The following SPATA31H1 variants were observed in gnomAD, a reference collection of about 807,000 sequenced individuals.
SPATA31H1 encodes the protein spermatogenesis-associated protein 31H1.
chr2:27,569,653 A>C, the SPATA31H1 span: 1 of 398,842 alleles, frequency 2.5e-6, no homozygotes, highest in East Asian at 3.6e-5. Flanking sequence ...GATATGAAAC[A>C]CATGAATTTA....
chr2:27,553,441 G>A, the SPATA31H1 span, among the ~76,000 whole-genome samples: 1,393 of 152,092 alleles, frequency 9.2e-3, 30 homozygotes, highest in African/African-American at 0.027. Context: ...CCTTATCAAA[G>A]GGTCACTTGG....
At chr2:27,577,966 C>G in the SPATA31H1 span, 1 of 1,614,112 alleles carries the variant, frequency 6.2e-7, no homozygotes, top group South Asian at 1.1e-5. The surrounding 1 kb of genome is among the most constrained non-coding windows in gnomAD (Gnocchi z 4.5). Context: ...GGGACAACCC[C>G]AGGACCACTG....
the SPATA31H1 span, among the ~76,000 whole-genome samples, chr2:27,553,102 T>G: frequency 6.6e-6 from 1 of 152,024 alleles, no homozygotes; most frequent in Non-Finnish European, 1.5e-5. Context: ...TTGGCAGGAG[T>G]TGCAGCCCCA....
the SPATA31H1 span, among the ~76,000 whole-genome samples, chr2:27,552,743 G>C: frequency 6.6e-6 from 1 of 151,990 alleles, no homozygotes; most frequent in South Asian, 2.1e-4. Context: ...CATTTATTTA[G>C]GTCTTCTTTA....
At chr2:27,567,161 TG>T in the SPATA31H1 span, 1 of 670,076 alleles carries the variant, frequency 1.5e-6, no homozygotes, top group Non-Finnish European at 2.7e-6. Flanking sequence ...AAAAAAATGA[TG>T]AGAGAATGAG....
chr2:27,570,310 C>T, the SPATA31H1 span: 15 of 398,648 alleles, frequency 3.8e-5, no homozygotes, highest in Admixed American at 8.8e-5. Context: ...ATGAAATCTG[C>T]GAAATTGACC....
the SPATA31H1 span, among the ~76,000 whole-genome samples, chr2:27,550,770 A>G: frequency 6.6e-6 from 1 of 151,818 alleles, no homozygotes; most frequent in Admixed American, 6.6e-5. Context: ...AGATGGTTAT[A>G]TGGTTTTCTT....
the SPATA31H1 span, among the ~76,000 whole-genome samples, chr2:27,540,119 G>A: frequency 9.7e-6 from 1 of 103,330 alleles, no homozygotes; most frequent in Non-Finnish European, 2.0e-5. Flanking sequence ...CCTCCCGGAC[G>A]GGGCGGCCGG....
chr2:27,540,301 G>A, the SPATA31H1 span, among the ~76,000 whole-genome samples: 2 of 126,176 alleles, frequency 1.6e-5, no homozygotes, highest in Admixed American at 7.4e-5. Flanking sequence ...CGGACGGGGC[G>A]GCTGGCCGGG....
the SPATA31H1 span, chr2:27,581,394 A>C: frequency 6.2e-7 from 1 of 1,613,818 alleles, no homozygotes; most frequent in South Asian, 1.1e-5. Context: ...AAGCTGGCGC[A>C]GTCCGTCTCA....
chr2:27,555,679 T>C, the SPATA31H1 span, among the ~76,000 whole-genome samples: 6 of 151,832 alleles, frequency 4.0e-5, no homozygotes, highest in African/African-American at 1.5e-4. Context: ...ATCTGGTCTC[T>C]AAAAGGAAAA....
the SPATA31H1 span, chr2:27,577,843 C>G: frequency 1.2e-6 from 2 of 1,614,090 alleles, no homozygotes; most frequent in East Asian, 4.5e-5. The surrounding 1 kb of genome is among the most constrained non-coding windows in gnomAD (Gnocchi z 4.5). Context: ...CTGAAGCAAA[C>G]AAGTCAAGTT....
At chr2:27,581,654 T>C in the SPATA31H1 span, 28 of 1,612,470 alleles carry the variant, frequency 1.7e-5, no homozygotes, top group Non-Finnish European at 2.4e-5. Context: ...AGAGAAGACA[T>C]CGCAGTCCCT....
chr2:27,539,088 T>G, the SPATA31H1 span, among the ~76,000 whole-genome samples: 3,355 of 145,178 alleles, frequency 0.023, 138 homozygotes, highest in African/African-American at 0.081. Context: ...ATTATAAACA[T>G]TATCATCATT....
chr2:27,571,611 T>C, the SPATA31H1 span: 3 of 398,468 alleles, frequency 7.5e-6, no homozygotes, highest in East Asian at 1.1e-4. Context: ...ACCAGGGCCA[T>C]TGCTTCAAGG....
At chr2:27,560,371 C>T in the SPATA31H1 span, among the ~76,000 whole-genome samples, 2 of 151,878 alleles carry the variant, frequency 1.3e-5, no homozygotes, top group African/African-American at 2.4e-5. Flanking sequence ...ATTGATGGTA[C>T]ATTTTATAAT....
chr2:27,580,134 G>A, the SPATA31H1 span: 29 of 1,614,154 alleles, frequency 1.8e-5, no homozygotes, highest in East Asian at 1.6e-4. Flanking sequence ...AGATAGACCC[G>A]TCATACGGAG....
the SPATA31H1 span, chr2:27,580,826 A>T: frequency 6.2e-7 from 1 of 1,614,104 alleles, no homozygotes. Flanking sequence ...TAACGCCAGC[A>T]GGCTCAACCA....
At chr2:27,539,750 C>CA in the SPATA31H1 span, among the ~76,000 whole-genome samples, 1 of 54,826 alleles carries the variant, frequency 1.8e-5, no homozygotes, top group African/African-American at 9.8e-5. Context: ...GGGGGGCTGA[C>CA]CCCCCCCGCC....
Sources: gnomAD v4.1 joint callset for allele counts (sites outside exome capture counted in the v4.1 genomes callset) on GRCh38, gnomAD v4.1.1 for gene constraint, Gnocchi (gnomAD v3.1) non-coding constraint, MANE v1.5 for transcripts, NCBI Gene and HGNC (gene_info 2026-07-23, HGNC 2026-07-21) for gene names.